The following ATF6 variants were observed in gnomAD, a reference collection of about 807,000 sequenced individuals.
ATF6 encodes the protein cyclic AMP-dependent transcription factor ATF-6 alpha.
Under a neutral mutation model 83.6 loss-of-function variants are expected in ATF6, and 53 were observed. The ratio of observed to expected loss-of-function variants is 0.63; its 90% CI spans 0.51 to 0.80. The LOEUF (loss-of-function observed/expected upper bound fraction) is 0.80. ATF6 is among the 30% of genes least tolerant of loss of function. ATF6 has a pLI of 0.00. For synonymous variants in ATF6, 288 were observed against 285.8 expected, an observed-to-expected ratio of 1.01 and a Z score of -0.08; for missense variants, 744 against 797.9, an observed-to-expected ratio of 0.93 and a Z score of 0.81.
At position 161,940,559 on chromosome 1, in the gene ATF6, C is replaced by CTTT. The variant is rs71301060; in HGVS notation, c.1805-17872_1805-17870dup. On this transcript the variant is annotated intron_variant, in intron 15 of 15. Transcript: ENST00000367942. ...GTCTCAAGTGTCACCTCCTTCAGAT[C>CTTT]TTTTTTTTTTTTTTTTTGAGACAGA... is the stretch of plus-strand genomic sequence containing the variant. Among the ~76,000 whole-genome samples the CTTT allele has an allele frequency of 3.4e-5, 4 of 118,428 alleles. 1 individual carries two copies. The highest frequency in any genetic ancestry group is 6.0e-5 in the African/African-American group (2 of 33,178). The allele number at this position is 118,428 out of a possible 152,430, so 77.7% of individuals were successfully genotyped here.
intron 14 of ATF6, among the ~76,000 whole-genome samples, chr1:161,871,616 C>T (rs1211505999): frequency 1.3e-5 from 2 of 151,606 alleles, no homozygotes; most frequent in Non-Finnish European, 3.0e-5. Flanking sequence ...AAGAACATTT[C>T]TTCACATCAT....
chr1:161,888,379 A>G (rs1164849762), intron 14 of ATF6, among the ~76,000 whole-genome samples: 1 of 152,186 alleles, frequency 6.6e-6, no homozygotes, highest in African/African-American at 2.4e-5. Flanking sequence ...TATGAAGAAG[A>G]TCAGGATTTG....
At chr1:161,952,902 A>T (rs1688893508) in intron 15 of ATF6, among the ~76,000 whole-genome samples, 1 of 152,144 alleles carries the variant, frequency 6.6e-6, no homozygotes, top group Admixed American at 6.5e-5. Context: ...AGCAAAGTGG[A>T]ATGGTGGTGA....
intron 15 of ATF6, among the ~76,000 whole-genome samples, chr1:161,939,050 C>T (rs1468613281): frequency 3.3e-5 from 5 of 152,128 alleles, no homozygotes; most frequent in South Asian, 2.1e-4. Flanking sequence ...TTCATCTCGT[C>T]GCTCCACTGA....
chr1:161,863,045 C>T (rs1466211595), intron 13 of ATF6, among the ~76,000 whole-genome samples, 153 bp from the exon 14 acceptor site: 1 of 151,994 alleles, frequency 6.6e-6, no homozygotes, highest in Non-Finnish European at 1.5e-5. Context: ...TTGGGCTTTG[C>T]AAAATATTGT....
chr1:161,805,193 C>T (rs1160560756), intron 7 of ATF6, among the ~76,000 whole-genome samples: 1 of 151,704 alleles, frequency 6.6e-6, no homozygotes, highest in African/African-American at 2.4e-5. Context: ...ATACCGTTGA[C>T]CTACATATTT....
At chr1:161,934,160 C>T (rs1314548871) in intron 15 of ATF6, among the ~76,000 whole-genome samples, 4 of 152,136 alleles carry the variant, frequency 2.6e-5, no homozygotes, top group Non-Finnish European at 5.9e-5. Flanking sequence ...CAGTTATGAC[C>T]ACCTTGGGCA....
intron 13 of ATF6, among the ~76,000 whole-genome samples, chr1:161,862,221 A>T (rs1451429102): frequency 6.6e-6 from 1 of 152,194 alleles, no homozygotes; most frequent in Non-Finnish European, 1.5e-5. Context: ...AAATATTGTA[A>T]TCAGAAATGG....
At chr1:161,910,919 T>G (rs1332385742) in intron 14 of ATF6, among the ~76,000 whole-genome samples, 1 of 152,206 alleles carries the variant, frequency 6.6e-6, no homozygotes, top group Non-Finnish European at 1.5e-5. Context: ...AAACATGTTC[T>G]CATGGAAATG....
At chr1:161,778,591 A>G (rs1425267930) in intron 2 of ATF6, among the ~76,000 whole-genome samples, 1 of 152,138 alleles carries the variant, frequency 6.6e-6, no homozygotes, top group African/African-American at 2.4e-5. Context: ...CCTGGTTTTT[A>G]CAGATACTTT....
intron 14 of ATF6, among the ~76,000 whole-genome samples, chr1:161,904,276 C>T (rs570222246): frequency 6.6e-6 from 1 of 152,220 alleles, no homozygotes; most frequent in Admixed American, 6.5e-5. Flanking sequence ...ATGCATCATA[C>T]CTTAAAAATG....
At chr1:161,824,319 A>T (rs924052640) in intron 9 of ATF6, among the ~76,000 whole-genome samples, 3 of 150,662 alleles carry the variant, frequency 2.0e-5, no homozygotes, top group African/African-American at 7.3e-5. Flanking sequence ...AATACCATGT[A>T]CCCCTGAGCT....
intron 15 of ATF6, among the ~76,000 whole-genome samples, chr1:161,924,173 G>A (rs1200232060): frequency 6.6e-6 from 1 of 152,176 alleles, no homozygotes; most frequent in Non-Finnish European, 1.5e-5. Flanking sequence ...CTCTTTTGCA[G>A]TTACACCAAC....
intron 14 of ATF6, among the ~76,000 whole-genome samples, chr1:161,903,479 A>G (rs1173528289): frequency 1.3e-5 from 2 of 152,180 alleles, no homozygotes; most frequent in African/African-American, 4.8e-5. Context: ...TAGTGGAACA[A>G]TGGCTCTCAA....
chr1:161,899,262 T>C (rs542752767), intron 14 of ATF6, among the ~76,000 whole-genome samples: 130 of 152,348 alleles, frequency 8.5e-4, no homozygotes, highest in African/African-American at 3.0e-3. Flanking sequence ...TCATTAAGCC[T>C]ATTCACCCTG....
intron 14 of ATF6, among the ~76,000 whole-genome samples, chr1:161,904,726 A>G (rs1687850738): frequency 6.6e-6 from 1 of 152,188 alleles, no homozygotes; most frequent in African/African-American, 2.4e-5. Context: ...AGTACACCCT[A>G]TGTGATATGA....
chr1:161,781,858 A>T, intron 2 of ATF6, 54 bp from the exon 3 acceptor site: 1 of 1,203,212 alleles, frequency 8.3e-7, no homozygotes, highest in Non-Finnish European at 1.2e-6. Context: ...GTTTGATTTT[A>T]AGATGTGTAT....
intron 1 of ATF6, 101 bp downstream of exon 1, chr1:161,766,543 C>T (rs548891834): frequency 5.5e-6 from 6 of 1,084,784 alleles, no homozygotes; most frequent in Admixed American, 2.2e-5. Flanking sequence ...GTGGACCAAC[C>T]CTGCCTGGGG....
chr1:161,898,906 G>GT (rs1687729963), intron 14 of ATF6, among the ~76,000 whole-genome samples: 17 of 152,250 alleles, frequency 1.1e-4, no homozygotes, highest in Admixed American at 1.1e-3. Context: ...ATAGTGTAGG[G>GT]TTTTTTATTC....
Sources: allele counts gnomAD v4.1 joint callset (sites outside exome capture counted in the v4.1 genomes callset), GRCh38; gene constraint gnomAD v4.1.1; transcripts MANE v1.5; gene names NCBI Gene and HGNC (gene_info 2026-07-23, HGNC 2026-07-21).